The following GABRB1 variants were observed in gnomAD, a reference collection of about 807,000 sequenced individuals.
The protein encoded by GABRB1 is gamma-aminobutyric acid receptor subunit beta-1.
A neutral mutation model predicts 51.6 loss-of-function variants in GABRB1; 17 were observed. The ratio of observed to expected loss-of-function variants is 0.33; its 90% CI spans 0.23 to 0.49. The LOEUF is 0.49. GABRB1 is among the 20% of genes least tolerant of loss of function. The pLI is 0.99. For synonymous variants in GABRB1, 247 were observed against 218.9 expected (o/e 1.13, Z -1.14); for missense variants, 410 against 600.6 (o/e 0.68, Z 3.32).
intron 1 of GABRB1, among the ~76,000 whole-genome samples, chr4:47,018,872 C>T (rs558231160): frequency 6.6e-5 from 10 of 152,094 alleles, no homozygotes; most frequent in Admixed American, 3.3e-4. Context: ...GAAGAAAATC[C>T]GCGTATAAGT....
chr4:47,022,383 A>G (rs1412962816), intron 1 of GABRB1, among the ~76,000 whole-genome samples: 1 of 152,100 alleles, frequency 6.6e-6, no homozygotes, highest in Non-Finnish European at 1.5e-5. Flanking sequence ...TCAGAATTTT[A>G]AAAACATTGC....
intron 4 of GABRB1, among the ~76,000 whole-genome samples, chr4:47,165,979 T>C (rs923988276): frequency 1.3e-5 from 2 of 152,118 alleles, no homozygotes; most frequent in Non-Finnish European, 2.9e-5. Flanking sequence ...ATCTTCTCTA[T>C]TTCCAAATCA....
At chr4:47,369,254 G>C (rs1044057284) in intron 5 of GABRB1, among the ~76,000 whole-genome samples, 1 of 152,152 alleles carries the variant, frequency 6.6e-6, no homozygotes, top group Admixed American at 6.5e-5. Context: ...CTGGGGATGA[G>C]GTTTTTAATC....
At chr4:47,001,134 G>GT (rs201759656) in intron 1 of GABRB1, among the ~76,000 whole-genome samples, 15 of 151,918 alleles carry the variant, frequency 9.9e-5, no homozygotes, top group Non-Finnish European at 1.9e-4. Context: ...TTTAATTTTA[G>GT]TTTTTTATGT....
At chr4:47,049,331 G>A (rs1726241374) in intron 3 of GABRB1, among the ~76,000 whole-genome samples, 1 of 152,114 alleles carries the variant, frequency 6.6e-6, no homozygotes, top group Non-Finnish European at 1.5e-5. Flanking sequence ...TCTCTAATGG[G>A]GCCGTACGTC....
At chr4:47,022,948 T>C (rs1724968734) in intron 1 of GABRB1, among the ~76,000 whole-genome samples, 1 of 151,868 alleles carries the variant, frequency 6.6e-6, no homozygotes, top group Non-Finnish European at 1.5e-5. Flanking sequence ...GATGAATGAA[T>C]AAAGAAAATG....
At chr4:47,342,374 C>T (rs1280660997) in intron 5 of GABRB1, among the ~76,000 whole-genome samples, 2 of 148,794 alleles carry the variant, frequency 1.3e-5, no homozygotes, top group African/African-American at 2.5e-5. Context: ...TCTTATTCTA[C>T]AAAAGACATG....
intron 1 of GABRB1, among the ~76,000 whole-genome samples, chr4:47,009,553 T>C (rs929113284): frequency 3.9e-5 from 6 of 152,200 alleles, no homozygotes; most frequent in African/African-American, 1.4e-4. Flanking sequence ...TGAGAGCTAA[T>C]AAGTCCAGTT....
At chr4:47,230,530 C>G (rs1721104554) in intron 4 of GABRB1, among the ~76,000 whole-genome samples, 1 of 152,088 alleles carries the variant, frequency 6.6e-6, no homozygotes, top group South Asian at 2.1e-4. Flanking sequence ...TTTGATAACA[C>G]AGTTTCAGTT....
At chr4:47,121,334 A>G (rs1421143084) in intron 3 of GABRB1, among the ~76,000 whole-genome samples, 2 of 152,192 alleles carry the variant, frequency 1.3e-5, no homozygotes, top group African/African-American at 4.8e-5. Flanking sequence ...GGCCACTGCC[A>G]GGGAATAGGA....
At chr4:47,311,661 T>C (rs1724689624) in intron 4 of GABRB1, among the ~76,000 whole-genome samples, 1 of 152,184 alleles carries the variant, frequency 6.6e-6, no homozygotes, top group South Asian at 2.1e-4. Context: ...ACTTCTGATC[T>C]ACAGAACTGT....
At chr4:47,007,968 G>C (rs1250256180) in intron 1 of GABRB1, among the ~76,000 whole-genome samples, 1 of 150,662 alleles carries the variant, frequency 6.6e-6, no homozygotes, top group African/African-American at 2.4e-5. Flanking sequence ...TGTGAGATTA[G>C]GTAAATAATG....
At chr4:47,076,905 T>G (rs1727580243) in intron 3 of GABRB1, among the ~76,000 whole-genome samples, 1 of 152,210 alleles carries the variant, frequency 6.6e-6, no homozygotes, top group South Asian at 2.1e-4. Flanking sequence ...TGAAGAAAAC[T>G]TTCTTTTCTC....
chr4:47,131,696 T>C (rs1402885216), intron 3 of GABRB1, among the ~76,000 whole-genome samples: 2 of 152,168 alleles, frequency 1.3e-5, no homozygotes, highest in African/African-American at 4.8e-5. Flanking sequence ...TACGATATGG[T>C]AAAAGAACCA....
At chr4:47,308,750 C>T (rs991164968) in intron 4 of GABRB1, among the ~76,000 whole-genome samples, 1 of 152,062 alleles carries the variant, frequency 6.6e-6, no homozygotes, top group African/African-American at 2.4e-5. Flanking sequence ...TTTAGTTATC[C>T]TGTACTTACT....
At chr4:47,303,033 T>C (rs757846689) in intron 4 of GABRB1, among the ~76,000 whole-genome samples, 5 of 151,850 alleles carry the variant, frequency 3.3e-5, no homozygotes, top group Non-Finnish European at 7.4e-5. Flanking sequence ...GAATACAGTG[T>C]ATTTAGGGGT....
At chr4:47,382,950 G>A (rs937930694) in intron 5 of GABRB1, among the ~76,000 whole-genome samples, 18 of 152,268 alleles carry the variant, frequency 1.2e-4, no homozygotes, top group Admixed American at 1.0e-3. Context: ...CAGACACAAT[G>A]CAATTTTTAA....
chr4:47,278,612 T>C (rs1723167468), intron 4 of GABRB1, among the ~76,000 whole-genome samples: 1 of 117,938 alleles, frequency 8.5e-6, no homozygotes, highest in Non-Finnish European at 1.7e-5. Context: ...CTCCAAGCCC[T>C]AGGTTTTTGC....
intron 3 of GABRB1, among the ~76,000 whole-genome samples, chr4:47,110,829 T>G (rs1048300177): frequency 5.3e-5 from 8 of 152,154 alleles, no homozygotes; most frequent in Non-Finnish European, 1.0e-4. Context: ...TACCAAAATG[T>G]GAAAGTATGT....
Sources: gnomAD v4.1 joint callset for allele counts (sites outside exome capture counted in the v4.1 genomes callset) on GRCh38, gnomAD v4.1.1 for gene constraint, MANE v1.5 for transcripts, NCBI Gene and HGNC (gene_info 2026-07-23, HGNC 2026-07-21) for gene names.